The following POR variants were observed in gnomAD, a reference collection of about 807,000 sequenced individuals.
The protein encoded by POR is NADPH--cytochrome P450 reductase.
A neutral mutation model predicts 84.0 loss-of-function variants in POR; 56 were observed. The ratio of observed to expected loss-of-function variants is 0.67; its 90% CI spans 0.54 to 0.83. The LOEUF (loss-of-function observed/expected upper bound fraction) is 0.83, where lower values mean the gene tolerates loss of function less well. Ranked by LOEUF, POR falls within the 40% of genes least tolerant of loss-of-function variation. The pLI, the probability that POR is intolerant of heterozygous loss-of-function variation, is 0.00. For missense variants in POR, 938 were observed against 944.3 expected (o/e 0.99, Z 0.09); for synonymous variants, 414 against 400.5 (o/e 1.03, Z -0.40).
intron 1 of POR, among the ~76,000 whole-genome samples, chr7:75,931,330 T>C (rs1456716105): frequency 6.6e-6 from 1 of 150,392 alleles, no homozygotes; most frequent in Non-Finnish European, 1.5e-5. Flanking sequence ...GGCCACTTAT[T>C]GTGTGATTTT....
At chr7:75,980,731 G>T in intron 5 of POR, 1 of 1,500,792 alleles carries the variant, frequency 6.7e-7, no homozygotes, top group Non-Finnish European at 8.9e-7. Context: ...AGGCAAGAAA[G>T]GTCTGGCTGG....
intron 3 of POR, among the ~76,000 whole-genome samples, chr7:75,976,703 C>A (rs559045459): frequency 6.6e-6 from 1 of 151,778 alleles, no homozygotes; most frequent in African/African-American, 2.4e-5. Flanking sequence ...GCCGAGATCG[C>A]ACCACTGCAC....
intron 1 of POR, among the ~76,000 whole-genome samples, chr7:75,923,974 C>T (rs1399580547): frequency 6.6e-6 from 1 of 152,050 alleles, no homozygotes; most frequent in Non-Finnish European, 1.5e-5. Flanking sequence ...GGAAAAATTC[C>T]AGCGTTTTCT....
rs376781324 is a variant in POR at position 75,986,167 on chromosome 7, C to G, written c.1824C>G (p.Val608=). 8 of 1,611,190 alleles carry G rather than the reference C, an allele frequency of 5.0e-6. No homozygotes were observed. Among genetic ancestry groups the G allele is most frequent in the Non-Finnish European group, 6.8e-6 (8 of 1,179,246 alleles). ...ACCACCCTTGGCCCCAGGTCTACGT[C>G]CAGCACCTGCTAAAGCAAGACCGAG... Residue 608 remains valine (V), a synonymous_variant, in exon 15 of 16, where the codon GTC becomes GTG. Coordinates refer to ENST00000461988, the MANE Select transcript of POR (RefSeq NM_000941.3).
At chr7:75,934,519 C>G (rs1441435156) in intron 1 of POR, among the ~76,000 whole-genome samples, 1 of 152,148 alleles carries the variant, frequency 6.6e-6, no homozygotes, top group Admixed American at 6.6e-5. Context: ...GGAGCAACCG[C>G]TTGCTAGAGC....
Position 75,983,581 on chromosome 7 carries a change from G to A in POR, c.892G>A (p.Gly298Arg). ...CACCACCAACCGGAAGCTGAACCAG[G>A]GAACCGAGCGCCACCTCATGCACCT... The change falls in exon 9 of 16, where the codon GGA becomes AGA. Residue 298 changes from glycine to arginine, a missense_variant. Transcript: ENST00000461988. 1 of 1,613,094 alleles carries A rather than the reference G, an allele frequency of 6.2e-7. No individual in the cohort carries two copies. Among genetic ancestry groups the A allele is most frequent in the Non-Finnish European group, 8.5e-7 (1 of 1,179,850 alleles).
chr7:75,942,427 C>T (rs1554551624), intron 1 of POR, among the ~76,000 whole-genome samples: 1 of 151,990 alleles, frequency 6.6e-6, no homozygotes, highest in Non-Finnish European at 1.5e-5. Flanking sequence ...TTTGATGGGG[C>T]ATTTTAATCA....
At chr7:75,920,896 C>G (rs1441357388) in intron 1 of POR, among the ~76,000 whole-genome samples, 2 of 152,164 alleles carry the variant, frequency 1.3e-5, no homozygotes, top group African/African-American at 2.4e-5. Flanking sequence ...CGGCATCATT[C>G]AGAGTGCAGT....
intron 2 of POR, among the ~76,000 whole-genome samples, chr7:75,964,230 C>T (rs183674092): frequency 3.6e-4 from 54 of 152,048 alleles, no homozygotes; most frequent in African/African-American, 1.2e-3. Context: ...GAACTCCTGA[C>T]CTCAAGTGAT....
At chr7:75,983,904 A>C (rs1374258012) in intron 10 of POR, 48 bp downstream of exon 10, 1 of 1,457,860 alleles carries the variant, frequency 6.9e-7, no homozygotes, top group Non-Finnish European at 9.3e-7. Context: ...CAGCCGCGGG[A>C]TTGGGCCTGT....
intron 5 of POR, chr7:75,980,744 G>T: frequency 2.7e-6 from 4 of 1,471,894 alleles, no homozygotes; most frequent in Non-Finnish European, 3.6e-6. Context: ...CTGGCTGGAC[G>T]ACTGAGACCT....
At chr7:75,954,423 T>C (rs1787591746) in intron 2 of POR, among the ~76,000 whole-genome samples, 1 of 152,168 alleles carries the variant, frequency 6.6e-6, no homozygotes, top group African/African-American at 2.4e-5. Flanking sequence ...ACTGCGAAAA[T>C]GACACCAGTT....
In POR at chr7:75,923,442, A is replaced by G. The variant is rs1806969697; in HGVS notation, c.-5+8263A>G. 5.2e-6 allele frequency: 3 copies of G among 577,058 alleles called. No homozygotes were observed. In the Admixed American group the frequency reaches 8.8e-5, roughly 17 times the overall value. 35.7% of individuals were successfully genotyped at this position (577,058 alleles called of 1,614,324 possible). A position where few individuals can be genotyped will look rare whatever the true frequency, so the allele number is the denominator to read the frequency against. ...ATCAATCAGCTCATCCGCCAGCTGA[A>G]CTAGAGCCAGGTGCCAAACTACAGT... On this transcript the variant is annotated intron_variant, in intron 1 of 15. Transcript: ENST00000461988.
At chr7:75,977,234 C>T (rs1300371859) in intron 3 of POR, among the ~76,000 whole-genome samples, 1 of 152,190 alleles carries the variant, frequency 6.6e-6, no homozygotes, top group Admixed American at 6.5e-5. Flanking sequence ...GAAGGGATTT[C>T]ACACAGGGAA....
At chr7:75,958,796 T>C (rs910320869) in intron 2 of POR, among the ~76,000 whole-genome samples, 1 of 124,130 alleles carries the variant, frequency 8.1e-6, no homozygotes, top group Non-Finnish European at 1.7e-5. Context: ...CTGAGCAACA[T>C]AGGGAGACCC....
intron 2 of POR, among the ~76,000 whole-genome samples, chr7:75,956,759 C>G (rs184847650): frequency 3.6e-4 from 55 of 150,968 alleles, no homozygotes; most frequent in Middle Eastern, 3.4e-3. Context: ...GACTTTTGCT[C>G]TTGTCACTCA....
intron 1 of POR, among the ~76,000 whole-genome samples, chr7:75,938,565 C>G (rs1807813490): frequency 6.6e-6 from 1 of 152,086 alleles, no homozygotes; most frequent in East Asian, 1.9e-4. Flanking sequence ...TGAGACCAGC[C>G]TGGGCAACTT....
chr7:75,976,168 T>C (rs1788676352), intron 3 of POR, among the ~76,000 whole-genome samples: 1 of 152,190 alleles, frequency 6.6e-6, no homozygotes, highest in Admixed American at 6.6e-5. Context: ...GCTGCTATCT[T>C]AGGTCATCTT....
chr7:75,936,693 G>T (rs181538359), intron 1 of POR, among the ~76,000 whole-genome samples: 167 of 152,150 alleles, frequency 1.1e-3, no homozygotes, highest in Non-Finnish European at 1.8e-3. Context: ...GTGGCATTCT[G>T]ATTGCCTCCA....
Sources: allele counts gnomAD v4.1 joint callset (sites outside exome capture counted in the v4.1 genomes callset), GRCh38; gene constraint gnomAD v4.1.1; transcripts MANE v1.5; gene names NCBI Gene and HGNC (gene_info 2026-07-23, HGNC 2026-07-21).